TANGO6: variants seen among roughly 807,000 people sequenced by gnomAD.
TANGO6 encodes transport and Golgi organization protein 6 homolog.
Under a neutral mutation model 114.2 loss-of-function variants are expected in TANGO6, and 90 were observed. That is an observed-to-expected ratio of 0.79 (90% CI 0.66 to 0.94). TANGO6 has a LOEUF of 0.94. Ranked by LOEUF, TANGO6 falls within the 40% of genes least tolerant of loss-of-function variation. TANGO6 has a pLI of 0.00. For missense variants in TANGO6, 1,274 were observed against 1,315.3 expected (o/e 0.97, Z 0.49); for synonymous variants, 477 against 509.8 (o/e 0.94, Z 0.87).
intron 17 of TANGO6, among the ~76,000 whole-genome samples, chr16:69,047,598 G>A (rs1317445621): frequency 2.0e-5 from 3 of 152,140 alleles, no homozygotes; most frequent in South Asian, 4.1e-4. Context: ...TCACAGCAAC[G>A]TTATAAAACA....
At chr16:69,007,002 C>T (rs1483010394) in intron 15 of TANGO6, 2 of 152,168 alleles carry the variant, frequency 1.3e-5, no homozygotes, top group African/African-American at 2.4e-5. Context: ...AAACGAAATA[C>T]ACCATGTGGG....
intron 1 of TANGO6, among the ~76,000 whole-genome samples, chr16:68,857,565 C>T (rs116720445): frequency 0.021 from 3,130 of 152,048 alleles, 118 homozygotes; most frequent in African/African-American, 0.072. Context: ...ATTGCTGGAT[C>T]GTATGTTTAA....
chr16:68,863,346 G>A (rs950395737), intron 3 of TANGO6, among the ~76,000 whole-genome samples: 1 of 152,050 alleles, frequency 6.6e-6, no homozygotes. Context: ...GGTGGCTCAC[G>A]CCTGTAATCC....
At chr16:68,928,255 A>G (rs1269899249) in intron 13 of TANGO6, among the ~76,000 whole-genome samples, 172 bp downstream of exon 13, 2 of 151,716 alleles carry the variant, frequency 1.3e-5, no homozygotes, top group Non-Finnish European at 2.9e-5. Flanking sequence ...ATTTAGACAC[A>G]GGAAAGACTT....
chr16:69,041,674 C>T (rs1310525212), intron 17 of TANGO6, among the ~76,000 whole-genome samples: 1 of 152,164 alleles, frequency 6.6e-6, no homozygotes, highest in Non-Finnish European at 1.5e-5. Flanking sequence ...GGGAATAGTG[C>T]TTTACCCTCG....
At chr16:68,892,041 A>C (rs1962630102) in intron 7 of TANGO6, among the ~76,000 whole-genome samples, 1 of 152,366 alleles carries the variant, frequency 6.6e-6, no homozygotes, top group African/African-American at 2.4e-5. Context: ...AGAAAATAGC[A>C]GCCTACTTTG....
At chr16:68,857,559 C>G (rs1274451350) in intron 1 of TANGO6, among the ~76,000 whole-genome samples, 1 of 152,052 alleles carries the variant, frequency 6.6e-6, no homozygotes, top group East Asian at 1.9e-4. Context: ...AGCACAATTG[C>G]TGGATCGTAT....
intron 15 of TANGO6, among the ~76,000 whole-genome samples, chr16:68,996,413 C>T (rs1963989890): frequency 6.6e-6 from 1 of 152,012 alleles, no homozygotes; most frequent in Non-Finnish European, 1.5e-5. Context: ...TACAAGAAAC[C>T]AGTGATTCTT....
In TANGO6 at chr16:69,004,221, T is replaced by C. The variant is rs1050624055; in HGVS notation, c.2843-18607T>C. ...CAATATATAACATAATAAATGTAAA[T>C]ACACGTAAACACAGCTAGACATGTA... is the stretch of plus-strand genomic sequence containing the variant. On this transcript the variant is annotated intron_variant, in intron 15 of 17. Transcript: ENST00000261778. Among the ~76,000 whole-genome samples the C allele has an allele frequency of 3.3e-5, 5 of 152,292 alleles. No individual in the cohort carries two copies. The South Asian group carries it at 1.0e-3, about 32-fold the overall frequency.
In TANGO6 at chr16:68,859,938, T is replaced by C; in HGVS notation, c.149T>C (p.Leu50Ser). 1 of 1,608,180 alleles carries C rather than the reference T, an allele frequency of 6.2e-7. No homozygotes were observed. The highest frequency in any genetic ancestry group is 8.5e-7 in the Non-Finnish European group (1 of 1,176,286). ...VTKHDVLLAT[L>S]KSNLSALEDK... ...AAACATGATGTCTTGTTGGCTACTTTAAAATCTAACCTGTCTGCTTTGGAG... is the reference window on the plus strand; with the variant it reads ...AAACATGATGTCTTGTTGGCTACTTCAAAATCTAACCTGTCTGCTTTGGAG... The change falls in exon 2 of 18, where the codon TTA becomes TCA. Residue 50 changes from leucine to serine, a missense_variant. Physicochemically the swap from Leu to Ser is moderately radical, Grantham distance 145. Around this residue, in one of 5 missense-constraint regions of TANGO6, gnomAD observed 114 missense variants for 104.6 expected, o/e 1.09. Coordinates refer to ENST00000261778, the MANE Select transcript of TANGO6 (RefSeq NM_024562.2).
intron 14 of TANGO6, among the ~76,000 whole-genome samples, chr16:68,934,605 A>G (rs1360716668): frequency 1.3e-5 from 2 of 152,190 alleles, no homozygotes; most frequent in Non-Finnish European, 2.9e-5. Context: ...AGGAGGCCAC[A>G]TGACCATAAG....
intron 15 of TANGO6, among the ~76,000 whole-genome samples, chr16:69,008,629 TTTTG>T (rs1243777060): frequency 6.6e-6 from 1 of 152,124 alleles, no homozygotes; most frequent in African/African-American, 2.4e-5. Context: ...TTTTGTTTTG[TTTTG>T]TTTGTTTGGT....
chr16:68,861,255 G>A (rs1319530281), intron 2 of TANGO6, among the ~76,000 whole-genome samples: 2 of 152,182 alleles, frequency 1.3e-5, no homozygotes, highest in African/African-American at 2.4e-5. Context: ...AAGCCGTTAA[G>A]ATGTAAATGT....
intron 16 of TANGO6, among the ~76,000 whole-genome samples, chr16:69,038,157 G>A (rs922775343): frequency 1.3e-5 from 2 of 152,178 alleles, no homozygotes; most frequent in Admixed American, 6.6e-5. Flanking sequence ...GGCCAGGTGC[G>A]GTGGCTCATG....
At chr16:69,063,808 C>CTTCTTCTTATTATTATTATTATTA (rs56983779) in intron 17 of TANGO6, among the ~76,000 whole-genome samples, 1 of 125,584 alleles carries the variant, frequency 8.0e-6, no homozygotes, top group African/African-American at 3.3e-5. Context: ...TCTTCTTCTT[C>CTTCTTCTTATTATTATTATTATTA]TTATTATTAT....
chr16:68,978,918 G>A (rs1466976887), intron 15 of TANGO6, among the ~76,000 whole-genome samples: 2 of 143,602 alleles, frequency 1.4e-5, no homozygotes, highest in Non-Finnish European at 3.0e-5. Flanking sequence ...AGTATATAAA[G>A]TATATGATTT....
chr16:69,032,304 C>T (rs545733318), intron 16 of TANGO6, among the ~76,000 whole-genome samples: 72 of 152,162 alleles, frequency 4.7e-4, no homozygotes, highest in Admixed American at 1.2e-3. Flanking sequence ...CTCGCGCTGT[C>T]GCCCAGGCTG....
intron 17 of TANGO6, among the ~76,000 whole-genome samples, chr16:69,078,945 T>C (rs1326472070): frequency 6.8e-6 from 1 of 146,552 alleles, no homozygotes; most frequent in Non-Finnish European, 1.5e-5. Context: ...GGTTTTGCCA[T>C]GTTCGCCAGG....
chr16:68,886,925 A>G (rs1962547438), intron 7 of TANGO6, among the ~76,000 whole-genome samples: 1 of 152,120 alleles, frequency 6.6e-6, no homozygotes, highest in Admixed American at 6.5e-5. Flanking sequence ...CTCTTGCCTC[A>G]GCCTCCCAAG....
Sources: allele counts gnomAD v4.1 joint callset (sites outside exome capture counted in the v4.1 genomes callset), GRCh38; gene constraint gnomAD v4.1.1; regional missense constraint gnomAD v4.1.1; transcripts MANE v1.5; gene names NCBI Gene and HGNC (gene_info 2026-07-23, HGNC 2026-07-21).